The following TTC29 variants were observed in gnomAD, a reference collection of about 807,000 sequenced individuals.
The protein encoded by TTC29 is tetratricopeptide repeat protein 29.
TTC29 carries 49 observed loss-of-function variants against 58.1 expected under a neutral mutation model. The ratio of observed to expected loss-of-function variants is 0.84; its 90% CI spans 0.67 to 1.07. TTC29 has a LOEUF of 1.07. Among genes scored for constraint, TTC29 ranks in the 50% least tolerant of loss-of-function variants. The probability of loss-of-function intolerance (pLI) is 0.00; values close to 1 mark genes in which losing one functional copy is unlikely to be tolerated. For missense variants in TTC29, 582 were observed against 555.6 expected (o/e 1.05, Z -0.48); for synonymous variants, 209 against 196.8 (o/e 1.06, Z -0.52).
intron 4 of TTC29, among the ~76,000 whole-genome samples, chr4:146,913,423 T>C (rs1285492168): frequency 6.6e-6 from 1 of 151,928 alleles, no homozygotes; most frequent in Non-Finnish European, 1.5e-5. Flanking sequence ...TAGCTCCACG[T>C]CCACAGGAGG....
intron 2 of TTC29, chr4:146,942,448 T>C (rs1214102476): frequency 1.1e-5 from 5 of 471,358 alleles, no homozygotes; most frequent in Non-Finnish European, 1.9e-5. Flanking sequence ...AGATGTTATA[T>C]TAAACAGTTG....
intron 5 of TTC29, among the ~76,000 whole-genome samples, chr4:146,907,173 T>C (rs923972980): frequency 6.6e-6 from 1 of 152,168 alleles, no homozygotes; most frequent in African/African-American, 2.4e-5. Context: ...GAGAAACATT[T>C]TTACTTATAG....
intron 4 of TTC29, among the ~76,000 whole-genome samples, chr4:146,911,066 T>G (rs1307677921): frequency 6.6e-6 from 1 of 151,946 alleles, no homozygotes; most frequent in African/African-American, 2.4e-5. Context: ...CCATCTAGGG[T>G]TATTGAAGGC....
chr4:146,850,623 G>A lies in TTC29; in HGVS notation c.886-16726C>T, dbSNP rs542826179. ...TCCAGGATGTCTGATTCCCAATTTG[G>A]TGGTCTTTCTGGTATTTTCAAAACC... is the stretch of plus-strand genomic sequence containing the variant. On this transcript the variant is annotated intron_variant, in intron 8 of 12. Transcript: ENST00000325106. 2.0e-5 allele frequency among the ~76,000 whole-genome samples: 3 copies of A among 152,282 alleles called. No homozygotes were observed. The South Asian group carries it at 6.2e-4, about 32-fold the overall frequency.
chr4:146,776,826 G>A (rs1464804602), intron 11 of TTC29, among the ~76,000 whole-genome samples: 1 of 152,228 alleles, frequency 6.6e-6, no homozygotes, highest in Non-Finnish European at 1.5e-5. Context: ...GCTCATTGTG[G>A]CAGTGGGGCA....
intron 9 of TTC29, among the ~76,000 whole-genome samples, chr4:146,830,792 T>C (rs917568126): frequency 6.6e-6 from 1 of 152,188 alleles, no homozygotes; most frequent in Non-Finnish European, 1.5e-5. Flanking sequence ...TGTGCATGTA[T>C]GTATGTGTGC....
intron 11 of TTC29, among the ~76,000 whole-genome samples, chr4:146,789,029 A>C (rs1749245427): frequency 6.6e-6 from 1 of 152,188 alleles, no homozygotes; most frequent in Non-Finnish European, 1.5e-5. Flanking sequence ...AGTGCTTTCC[A>C]TATTCCATCT....
In TTC29 at chr4:146,707,167, ATTT is replaced by A; in HGVS notation, c.1416_1418del (p.Lys472del). 6.5e-7 allele frequency: 1 copy of A among 1,529,254 alleles called. No homozygotes were observed. The highest frequency in any genetic ancestry group is 8.8e-7 in the Non-Finnish European group (1 of 1,135,638). The allele number at this position is 1,529,254 out of a possible 1,614,324, so 94.7% of individuals were successfully genotyped here. A position where few individuals can be genotyped will look rare whatever the true frequency, so the allele number is the denominator to read the frequency against. On this transcript the variant is annotated inframe_deletion, in exon 13 of 13. Coordinates refer to ENST00000325106, the MANE Select transcript of TTC29 (RefSeq NM_031956.4). ...TAAGTGAAAAGCTGCTTTAAGTTTCATTTTTTTGATCACCTGGAAACCTGAAAT... is the reference window on the plus strand; with the variant it reads ...TAAGTGAAAAGCTGCTTTAAGTTTCATTTTGATCACCTGGAAACCTGAAAT...
intron 11 of TTC29, among the ~76,000 whole-genome samples, chr4:146,758,825 G>T (rs1487399059): frequency 1.3e-5 from 2 of 151,940 alleles, no homozygotes; most frequent in African/African-American, 4.8e-5. Flanking sequence ...CAAGACCTCT[G>T]GGATACAGCA....
chr4:146,729,898 C>A (rs1234026026), intron 11 of TTC29, among the ~76,000 whole-genome samples: 1 of 151,866 alleles, frequency 6.6e-6, no homozygotes, highest in Non-Finnish European at 1.5e-5. Flanking sequence ...GACCCTCCCT[C>A]GATACGTGGG....
At chr4:146,721,981 A>G (rs915143551) in intron 11 of TTC29, among the ~76,000 whole-genome samples, 1 of 152,172 alleles carries the variant, frequency 6.6e-6, no homozygotes, top group Non-Finnish European at 1.5e-5. Context: ...TACAAAATCA[A>G]TGTAAAAAAA....
chr4:146,906,739 A>G (rs978458338), intron 5 of TTC29, among the ~76,000 whole-genome samples: 4 of 152,224 alleles, frequency 2.6e-5, no homozygotes, highest in African/African-American at 4.8e-5. Flanking sequence ...ATACTTTTGT[A>G]ATAATTTTAA....
At position 146,867,466 on chromosome 4, in the gene TTC29, T is replaced by C. The variant is rs1579864722; in HGVS notation, c.885+32A>G. Reference sequence around the variant, plus strand: ...AAAATAAATATACTAAAATAAAAATTAAAAATGGCAGTGATTAAAAGTTTA... The same window carrying C: ...AAAATAAATATACTAAAATAAAAATCAAAAATGGCAGTGATTAAAAGTTTA... On this transcript the variant is annotated intron_variant, in intron 8 of 12. Coordinates refer to ENST00000325106, the MANE Select transcript of TTC29 (RefSeq NM_031956.4). 3 of 1,080,296 alleles carry C rather than the reference T, an allele frequency of 2.8e-6. No individual in the cohort carries two copies. The East Asian group carries it at 8.7e-5, about 31-fold the overall frequency. The allele number at this position is 1,080,296 out of a possible 1,614,324, so 66.9% of individuals were successfully genotyped here.
chr4:146,875,670 C>T (rs921585541), intron 6 of TTC29, among the ~76,000 whole-genome samples: 6 of 152,062 alleles, frequency 3.9e-5, no homozygotes, highest in South Asian at 2.1e-4. Context: ...AACATTATGG[C>T]GCCTTAAACT....
In TTC29 at chr4:146,909,139, T is replaced by G. The variant is rs772964770; in HGVS notation, c.287A>C (p.Glu96Ala). ...ALMERWDALR[E>A]AARVRSLFWL... is the part of the protein sequence containing the mutation. ...GAAGAGGGACCTGACTCTCGCAGCC[T>G]CCCTCAGGGCATCCCACCGCTCCAT... Residue 96 changes from glutamate (E) to alanine (A), a missense_variant, in exon 5 of 13, where the codon GAG (glutamate) becomes GCG (alanine). Coordinates refer to ENST00000325106, the MANE Select transcript of TTC29 (RefSeq NM_031956.4). 1.2e-6 allele frequency: 2 copies of G among 1,613,608 alleles called. No individual in the cohort carries two copies. The highest frequency in any genetic ancestry group is 3.3e-5 in the Admixed American group (2 of 59,988).
chr4:146,942,366 T>C (rs1736484200), intron 2 of TTC29, among the ~76,000 whole-genome samples: 1 of 152,206 alleles, frequency 6.6e-6, no homozygotes, highest in Admixed American at 6.5e-5. Context: ...ATTAGAAACA[T>C]ACTATATTAC....
At chr4:146,893,458 T>A (rs903638161) in intron 6 of TTC29, among the ~76,000 whole-genome samples, 1 of 152,166 alleles carries the variant, frequency 6.6e-6, no homozygotes, top group Non-Finnish European at 1.5e-5. Context: ...TAAATGGTGC[T>A]GGGAAAATTG....
chr4:146,895,672 C>A (rs775959726), intron 6 of TTC29, among the ~76,000 whole-genome samples: 1 of 152,170 alleles, frequency 6.6e-6, no homozygotes, highest in African/African-American at 2.4e-5. Flanking sequence ...AATAGAGACT[C>A]TGATTAGAAC....
intron 11 of TTC29, among the ~76,000 whole-genome samples, chr4:146,797,103 G>A (rs976120371): frequency 4.6e-5 from 7 of 152,218 alleles, no homozygotes; most frequent in African/African-American, 1.7e-4. Context: ...AGAAGAGACT[G>A]ATGAGCACTG....
Sources: gnomAD v4.1 joint callset for allele counts (sites outside exome capture counted in the v4.1 genomes callset) on GRCh38, gnomAD v4.1.1 for gene constraint, MANE v1.5 for transcripts, NCBI Gene and HGNC (gene_info 2026-07-23, HGNC 2026-07-21) for gene names.